Variants in CRMP1 observed in about 807,000 individuals in gnomAD.
CRMP1 encodes dihydropyrimidinase-related protein 1.
In CRMP1, 19 loss-of-function variants were observed where a neutral mutation model predicts 68.3. That is an observed-to-expected ratio of 0.28 (90% CI 0.19 to 0.41). The LOEUF (loss-of-function observed/expected upper bound fraction) is 0.41. Ranked by LOEUF, CRMP1 falls within the 10% of genes least tolerant of loss-of-function variation. CRMP1 has a pLI of 1.00. For missense variants in CRMP1, 791 were observed against 967.4 expected (o/e 0.82, Z 2.42); for synonymous variants, 439 against 399.6 (o/e 1.10, Z -1.18).
intron 12 of CRMP1, chr4:5,826,671 C>T (rs993893974): frequency 2.6e-5 from 4 of 152,314 alleles, no homozygotes; most frequent in African/African-American, 4.8e-5. Flanking sequence ...CACTGGAGAA[C>T]AGCATGTGTT....
In CRMP1 at chr4:5,841,210, GCTGC is replaced by G; in HGVS notation, c.1153+94_1153+97del. On this transcript the variant is annotated intron_variant, in intron 8 of 13. Coordinates refer to ENST00000324989, the MANE Select transcript of CRMP1 (RefSeq NM_001014809.3). This position sits in a 1 kb window ranked among gnomAD's most constrained non-coding sequence, Gnocchi z 6.9. ...CCCCGCTCCACCCCTCCCTCCTCCG[GCTGC>G]CTGTCTGAGTTCGGGAGGGAGTGAA... is the stretch of plus-strand genomic sequence containing the variant. The G allele has an allele frequency of 6.3e-7, 1 of 1,588,696 alleles. No homozygotes were observed.
rs544865065 is a variant in CRMP1, at chr4:5,865,078, C to T, written c.470+1590G>A. Among the ~76,000 whole-genome samples, 266 of 152,138 alleles carry T rather than the reference C, an allele frequency of 1.7e-3. No homozygotes were observed. The highest frequency in any genetic ancestry group is 6.8e-3 in the Middle Eastern group (2 of 294). The stretch of plus-strand genomic sequence containing the variant: ...AGCCCCTTTCCCCCAGCCTCCTCCT[C>T]CTCCTCCATCATCATCTCCAAAGCC... On this transcript the variant is annotated intron_variant, in intron 2 of 13. Coordinates refer to ENST00000324989, the MANE Select transcript of CRMP1 (RefSeq NM_001014809.3). The surrounding 1 kb of genome is among the most constrained non-coding windows in gnomAD (Gnocchi z 4.1).
intron 1 of CRMP1, among the ~76,000 whole-genome samples, chr4:5,885,507 CTG>C (rs1182894996): frequency 6.6e-6 from 1 of 152,216 alleles, no homozygotes; most frequent in Non-Finnish European, 1.5e-5. Context: ...TTTGATCTAA[CTG>C]TGCAGCGGTT....
chr4:5,841,466 T>A lies in CRMP1; in HGVS notation c.1033-38A>T. On this transcript the variant is annotated intron_variant, in intron 7 of 13. Transcript: ENST00000324989. This position sits in a 1 kb window ranked among gnomAD's most constrained non-coding sequence, Gnocchi z 6.9. ...CACACAGTGTCACAGGAGGGAAGGC[T>A]GGTGTAACAGCTACCACCCATCTCC... 1 of 1,611,194 alleles carries A rather than the reference T, an allele frequency of 6.2e-7. No individual in the cohort carries two copies. The highest frequency in any genetic ancestry group is 2.2e-5 in the East Asian group (1 of 44,782).
Position 5,866,709 on chromosome 4 carries a change from T to A in CRMP1, c.429A>T (p.Gln143His), listed in dbSNP as rs777215799. 6.2e-7 allele frequency: 1 copy of A among 1,613,154 alleles called. No individual in the cohort carries two copies. The highest frequency in any genetic ancestry group is 8.5e-7 in the Non-Finnish European group (1 of 1,179,868). The change falls in exon 2 of 14, where the codon CAA (glutamine) becomes CAT (histidine). Residue 143 changes from glutamine (Q) to histidine (H), a missense_variant. By Grantham distance (24) the Gln-to-His change is conservative. Around this residue, in one of 3 missense-constraint regions of CRMP1, gnomAD observed 594 missense variants for 763.6 expected, o/e 0.78. Transcript: ENST00000324989. This position sits in a 1 kb window ranked among gnomAD's most constrained non-coding sequence, Gnocchi z 5.9. ...IKGGRIINDD[Q>H]SLYADVYLED... ...CCAGGTAGACGTCAGCATAAAGGGA[T>A]TGGTCATCGTTGATGATCCGTCCAC... is the stretch of plus-strand genomic sequence containing the variant.
rs1371653731 is a variant in CRMP1 at position 5,842,617 on chromosome 4, C to G, written c.1032+476G>C. 6.8e-6 allele frequency among the ~76,000 whole-genome samples: 1 copy of G among 146,948 alleles called. No homozygotes were observed. The highest frequency in any genetic ancestry group is 1.5e-5 in the Non-Finnish European group (1 of 66,126). The stretch of plus-strand genomic sequence containing the variant: ...ACTCTCTCACACACACACACACACA[C>G]TCACTCACACACACACACACGCACT... On this transcript the variant is annotated intron_variant, in intron 7 of 13. Transcript: ENST00000324989. The surrounding 1 kb of genome is among the most constrained non-coding windows in gnomAD (Gnocchi z 4.5).
At position 5,865,220 on chromosome 4, in the gene CRMP1, A is replaced by G. The variant is rs6446401; in HGVS notation, c.470+1448T>C. Among the ~76,000 whole-genome samples the G allele has an allele frequency of 0.31, 47,287 of 151,718 alleles. 9,141 individuals are homozygous for G. The highest frequency in any genetic ancestry group is 0.55 in the African/African-American group (22,521 of 41,258). On this transcript the variant is annotated intron_variant, in intron 2 of 13. Transcript: ENST00000324989. The surrounding 1 kb of genome is among the most constrained non-coding windows in gnomAD (Gnocchi z 4.1). The stretch of plus-strand genomic sequence containing the variant: ...AGCCACTCATGCTGGATCCTTAAAC[A>G]GTGTCCTTCTCTTCTCTTCCAGATT...
At chr4:5,826,965 C>G (rs1437408526) in intron 12 of CRMP1, 5 of 152,572 alleles carry the variant, frequency 3.3e-5, no homozygotes, top group Non-Finnish European at 5.9e-5. Context: ...CTCACTGTAT[C>G]CTGTGCATTC....
At chr4:5,887,944 C>A (rs1715715415) in intron 1 of CRMP1, 1 of 580,056 alleles carries the variant, frequency 1.7e-6, no homozygotes, top group Non-Finnish European at 2.4e-6. Context: ...TCCCTGTCCA[C>A]GCCATCCTCT....
chr4:5,821,142 T>C lies in CRMP1; in HGVS notation c.*618A>G, dbSNP rs553660623. On this transcript the variant is annotated 3_prime_UTR_variant, in exon 14 of 14. Transcript: ENST00000324989. The surrounding 1 kb of genome is among the most constrained non-coding windows in gnomAD (Gnocchi z 4.4). Reference sequence around the variant, plus strand: ...GGTTTCTGACACAGGATGTGGAGGATGCTTCTCTGCAACCTAGTGCAAGGC... The same window carrying C: ...GGTTTCTGACACAGGATGTGGAGGACGCTTCTCTGCAACCTAGTGCAAGGC... 1 of 152,678 alleles carries C rather than the reference T, an allele frequency of 6.5e-6. No individual in the cohort carries two copies. The highest frequency in any genetic ancestry group is 6.5e-5 in the Admixed American group (1 of 15,356). The allele number at this position is 152,678 out of a possible 1,614,324, so 9.5% of individuals were successfully genotyped here.
At position 5,836,036 on chromosome 4, in the gene CRMP1, T is replaced by A; in HGVS notation, c.1502A>T (p.Asn501Ile). The A allele has an allele frequency of 6.3e-7, 1 of 1,599,520 alleles. No homozygotes were observed. Among genetic ancestry groups the A allele is most frequent in the Non-Finnish European group, 8.5e-7 (1 of 1,173,160 alleles). The change falls in exon 11 of 14, where the codon AAT becomes ATT. Residue 501 changes from asparagine (N) to isoleucine (I), a missense_variant. Transcript: ENST00000324989. ...GTACAGGTTAAAGATCTTGGCTGCA[T>A]TGGTGCTGGTGACAGCGACAAACTG... ...ENQFVAVTST[N>I]AAKIFNLYPR...
chr4:5,826,131 C>T (rs768884954), intron 12 of CRMP1: 17 of 176,396 alleles, frequency 9.6e-5, no homozygotes, highest in Admixed American at 1.3e-4. Flanking sequence ...CTTACACACA[C>T]GCATACTCAT....
intron 1 of CRMP1, among the ~76,000 whole-genome samples, chr4:5,875,881 G>A (rs112951877): frequency 0.037 from 5,700 of 152,156 alleles, 375 homozygotes; most frequent in African/African-American, 0.13. Flanking sequence ...AGCCAGGCGC[G>A]GTGGCTCACA....
intron 12 of CRMP1, 72 bp downstream of exon 12, chr4:5,828,417 A>G: frequency 6.4e-7 from 1 of 1,559,680 alleles, no homozygotes; most frequent in East Asian, 2.3e-5. Context: ...CACACGTCAG[A>G]TCTCGATTCC....
In CRMP1 at chr4:5,877,352, T is replaced by C. The variant is rs904777436; in HGVS notation, c.382-10596A>G. Among the ~76,000 whole-genome samples the C allele has an allele frequency of 2.0e-5, 3 of 152,242 alleles. No homozygotes were observed. The highest frequency in any genetic ancestry group is 6.5e-5 in the Admixed American group (1 of 15,290). Reference sequence around the variant, plus strand: ...CTGTGCTGGGAGCCACAGGGGTTGCTGCATAAGAGGTTTTATAGCTCAAAT... The same window carrying C: ...CTGTGCTGGGAGCCACAGGGGTTGCCGCATAAGAGGTTTTATAGCTCAAAT... On this transcript the variant is annotated intron_variant, in intron 1 of 13. Coordinates refer to ENST00000324989, the MANE Select transcript of CRMP1 (RefSeq NM_001014809.3). The surrounding 1 kb of genome is among the most constrained non-coding windows in gnomAD (Gnocchi z 4.3).
At chr4:5,824,765 C>A in intron 13 of CRMP1, 1 of 984,604 alleles carries the variant, frequency 1.0e-6, no homozygotes, top group Non-Finnish European at 1.2e-6. Flanking sequence ...GTACCCAGCA[C>A]GGTGTGCAAC....
Position 5,892,885 on chromosome 4 carries a change from G to C in CRMP1, c.85C>G (p.Arg29Gly). The change falls in exon 1 of 14, where the codon CGC becomes GGC. Residue 29 changes from arginine to glycine, a missense_variant. Physicochemically the swap from Arg to Gly is moderately radical, Grantham distance 125. Around this residue, in one of 3 missense-constraint regions of CRMP1, gnomAD observed 193 missense variants for 186.3 expected, o/e 1.04. Coordinates refer to ENST00000324989, the MANE Select transcript of CRMP1 (RefSeq NM_001014809.3). The surrounding 1 kb of genome is among the most constrained non-coding windows in gnomAD (Gnocchi z 8.6). ...ARPGSAAQTPRQKYGGMFAAV... is the reference protein window; with the variant it reads ...ARPGSAAQTPGQKYGGMFAAV... ...GCGAACATGCCGCCGTACTTCTGGCGCGGGGTCTGCGCCGCGCTGCCCGGC... is the reference window on the plus strand; with the variant it reads ...GCGAACATGCCGCCGTACTTCTGGCCCGGGGTCTGCGCCGCGCTGCCCGGC... 1 of 1,408,322 alleles carries C rather than the reference G, an allele frequency of 7.1e-7. No individual in the cohort carries two copies. The highest frequency in any genetic ancestry group is 1.4e-5 in the South Asian group (1 of 71,830). The allele number at this position is 1,408,322 out of a possible 1,614,324, so 87.2% of individuals were successfully genotyped here.
At position 5,891,657 on chromosome 4, in the gene CRMP1, A is replaced by G. The variant is rs1715955522; in HGVS notation, c.381+932T>C. Among the ~76,000 whole-genome samples, 2 of 152,138 alleles carry G rather than the reference A, an allele frequency of 1.3e-5. No individual in the cohort carries two copies. Among genetic ancestry groups the G allele is most frequent in the Non-Finnish European group, 2.9e-5 (2 of 68,022 alleles). ...GTTCTCCGGCATCCAGGTCTGGACC[A>G]ATTCGAAAGCTCCCCAGCCCTCGGA... On this transcript the variant is annotated intron_variant, in intron 1 of 13. Transcript: ENST00000324989. This position sits in a 1 kb window ranked among gnomAD's most constrained non-coding sequence, Gnocchi z 5.2.
At chr4:5,839,780 C>T (rs1452543922) in intron 8 of CRMP1, 102 bp from the exon 9 acceptor site, 1 of 1,341,734 alleles carries the variant, frequency 7.5e-7, no homozygotes, top group Non-Finnish European at 1.0e-6. Flanking sequence ...ACGGGGCTGG[C>T]TGAAGGCCAG....
Sources: gnomAD v4.1 joint callset for allele counts (sites outside exome capture counted in the v4.1 genomes callset) on GRCh38, gnomAD v4.1.1 for gene constraint, gnomAD v4.1.1 regional missense constraint, Gnocchi (gnomAD v3.1) non-coding constraint, MANE v1.5 for transcripts, NCBI Gene and HGNC (gene_info 2026-07-23, HGNC 2026-07-21) for gene names.